The following TANC2 variants were observed in gnomAD, a reference collection of about 807,000 sequenced individuals.
TANC2 encodes the protein protein TANC2.
TANC2 carries 26 observed loss-of-function variants against 210.5 expected under a neutral mutation model. The observed-to-expected ratio is 0.12, with a 90% CI of 0.09 to 0.17. The LOEUF (loss-of-function observed/expected upper bound fraction) is 0.17. Among genes scored for constraint, TANC2 ranks in the 10% least tolerant of loss-of-function variants. The probability of loss-of-function intolerance (pLI) is 1.00; values close to 1 mark genes in which losing one functional copy is unlikely to be tolerated. For synonymous variants in TANC2, 931 were observed against 967.1 expected, an observed-to-expected ratio of 0.96 and a Z score of 0.69; for missense variants, 2,129 against 2,608.9, an observed-to-expected ratio of 0.82 and a Z score of 4.01.
chr17:63,245,506 G>A (rs1274058399), intron 8 of TANC2, among the ~76,000 whole-genome samples: 1 of 151,944 alleles, frequency 6.6e-6, no homozygotes, highest in Admixed American at 6.6e-5. Context: ...TCAGGAGTTC[G>A]AGACCAGCCT....
At chr17:63,390,641 T>C (rs1310502257) in intron 17 of TANC2, 1 of 152,172 alleles carries the variant, frequency 6.6e-6, no homozygotes, top group Non-Finnish European at 1.5e-5. Flanking sequence ...TTTTTTCCTA[T>C]TTTGTAGAGG....
rs530772890 is a variant in TANC2, at chr17:63,189,804, G to A, written c.434-4187G>A. Among the ~76,000 whole-genome samples, 15 of 152,228 alleles carry A rather than the reference G, an allele frequency of 9.9e-5. No individual in the cohort carries two copies. In the South Asian group the frequency reaches 2.5e-3, roughly 25 times the overall value. On this transcript the variant is annotated intron_variant, in intron 5 of 27. Transcript: ENST00000689528. The stretch of plus-strand genomic sequence containing the variant: ...TTTCCTTTTGTCACTTGTGCTTTTA[G>A]TGTCATATCTAAGAAATCATTGCCT...
chr17:62,970,951 T>C (rs573490602), intron 1 of TANC2, among the ~76,000 whole-genome samples: 21 of 152,284 alleles, frequency 1.4e-4, no homozygotes, highest in East Asian at 9.6e-4. Context: ...ATTTGGACTT[T>C]TTTTTTCTTT....
intron 1 of TANC2, among the ~76,000 whole-genome samples, chr17:62,995,287 A>G (rs965471127): frequency 6.6e-6 from 1 of 152,368 alleles, no homozygotes; most frequent in South Asian, 2.1e-4. Flanking sequence ...TTTGGAGTGG[A>G]CGAACAAGGG....
chr17:62,992,341 A>G (rs1434048543), intron 1 of TANC2, among the ~76,000 whole-genome samples: 1 of 152,224 alleles, frequency 6.6e-6, no homozygotes, highest in Non-Finnish European at 1.5e-5. Context: ...TATCCCTTGC[A>G]TAGCCATGGC....
In TANC2 at chr17:62,966,583, C is replaced by T. The variant is rs1274763558; in HGVS notation, c.-190C>T. Among the ~76,000 whole-genome samples, 2 of 151,108 alleles carry T rather than the reference C, an allele frequency of 1.3e-5. No homozygotes were observed. The highest frequency in any genetic ancestry group is 3.0e-5 in the Non-Finnish European group (2 of 67,716). On this transcript the variant is annotated 5_prime_UTR_variant, in exon 1 of 28. Transcript: ENST00000689528. This position sits in a 1 kb window ranked among gnomAD's most constrained non-coding sequence, Gnocchi z 5.1. Reference sequence around the variant, plus strand: ...CGCCGCGGGCTGCGCTCGCCGGCTGCGAGGCCCCGCCGCGCCGTTCCGGGG... The same window carrying T: ...CGCCGCGGGCTGCGCTCGCCGGCTGTGAGGCCCCGCCGCGCCGTTCCGGGG...
chr17:63,118,077 T>C (rs540626472), intron 4 of TANC2, among the ~76,000 whole-genome samples: 1 of 152,222 alleles, frequency 6.6e-6, no homozygotes, highest in African/African-American at 2.4e-5. Context: ...TCCTGTTAGA[T>C]TGCAATTCCA....
chr17:63,262,506 T>C (rs1471974495), intron 8 of TANC2, among the ~76,000 whole-genome samples: 1 of 152,190 alleles, frequency 6.6e-6, no homozygotes, highest in Non-Finnish European at 1.5e-5. Context: ...TGTAACTTTT[T>C]TCATCTACTG....
chr17:63,010,952 C>T (rs908216670), intron 2 of TANC2, among the ~76,000 whole-genome samples: 2 of 152,012 alleles, frequency 1.3e-5, no homozygotes, highest in Admixed American at 1.3e-4. Flanking sequence ...TATGGAGGCT[C>T]CATTATGCAC....
At chr17:63,339,880 A>G (rs562966607) in intron 11 of TANC2, among the ~76,000 whole-genome samples, 1 of 152,316 alleles carries the variant, frequency 6.6e-6, no homozygotes, top group East Asian at 1.9e-4. Context: ...TCATATGCAT[A>G]CAATAGAAGT....
At chr17:63,185,279 G>T (rs752755573) in intron 5 of TANC2, among the ~76,000 whole-genome samples, 2 of 152,076 alleles carry the variant, frequency 1.3e-5, no homozygotes, top group East Asian at 3.9e-4. Context: ...TTTTGGTAGA[G>T]AAAGGGTTTC....
chr17:63,024,633 G>C (rs2034478776), intron 2 of TANC2, among the ~76,000 whole-genome samples: 1 of 152,174 alleles, frequency 6.6e-6, no homozygotes, highest in Admixed American at 6.5e-5. Flanking sequence ...CCCTATTCAA[G>C]ATGGAGTATA....
chr17:63,163,594 C>T (rs542988169), intron 5 of TANC2, among the ~76,000 whole-genome samples: 2 of 152,096 alleles, frequency 1.3e-5, no homozygotes, highest in Non-Finnish European at 2.9e-5. Flanking sequence ...TTTACCACTA[C>T]CTTTTATTCT....
chr17:63,369,195 C>G (rs1341389802), intron 14 of TANC2, among the ~76,000 whole-genome samples: 1 of 152,114 alleles, frequency 6.6e-6, no homozygotes, highest in Non-Finnish European at 1.5e-5. Flanking sequence ...CTGAAAATAC[C>G]ACTTTATCAG....
intron 6 of TANC2, among the ~76,000 whole-genome samples, chr17:63,195,029 T>G (rs1477034810): frequency 1.3e-5 from 2 of 152,094 alleles, no homozygotes; most frequent in Non-Finnish European, 2.9e-5. Flanking sequence ...TAGTGAAGAG[T>G]CTATATCACA....
chr17:63,192,539 A>G (rs1290359496), intron 5 of TANC2, among the ~76,000 whole-genome samples: 1 of 151,894 alleles, frequency 6.6e-6, no homozygotes, highest in Admixed American at 6.5e-5. Context: ...ACCATTTGTA[A>G]TATTTCTTTC....
At chr17:63,019,238 G>A (rs2034245230) in intron 2 of TANC2, among the ~76,000 whole-genome samples, 7 of 151,886 alleles carry the variant, frequency 4.6e-5, no homozygotes, top group Admixed American at 3.3e-4. Flanking sequence ...TTATTATGGG[G>A]ACAGAGTCTC....
chr17:63,041,422 G>A (rs1281548640), intron 2 of TANC2, among the ~76,000 whole-genome samples: 1 of 152,042 alleles, frequency 6.6e-6, no homozygotes, highest in Non-Finnish European at 1.5e-5. Flanking sequence ...CAGCAGCCTC[G>A]AAATCCATTC....
At chr17:63,401,122 C>T (rs1305870705) in intron 19 of TANC2, among the ~76,000 whole-genome samples, 1 of 152,154 alleles carries the variant, frequency 6.6e-6, no homozygotes, top group Non-Finnish European at 1.5e-5. Context: ...GCCTTTCTAA[C>T]TTATAGCACA....
Sources: gnomAD v4.1 joint callset for allele counts (sites outside exome capture counted in the v4.1 genomes callset) on GRCh38, gnomAD v4.1.1 for gene constraint, Gnocchi (gnomAD v3.1) non-coding constraint, MANE v1.5 for transcripts, NCBI Gene and HGNC (gene_info 2026-07-23, HGNC 2026-07-21) for gene names.